The following NRM variants were observed in gnomAD, a reference collection of about 807,000 sequenced individuals.
NRM encodes the protein nurim.
In NRM, 19 loss-of-function variants were observed where a neutral mutation model predicts 23.4. The ratio of observed to expected loss-of-function variants is 0.81; its 90% CI spans 0.57 to 1.19. The LOEUF (loss-of-function observed/expected upper bound fraction) is 1.19. NRM is among the 50% of genes most tolerant of loss of function. The probability of loss-of-function intolerance (pLI) is 0.00; values close to 1 mark genes in which losing one functional copy is unlikely to be tolerated. For missense variants in NRM, 232 were observed against 329.7 expected, an observed-to-expected ratio of 0.70 and a Z score of 2.30; for synonymous variants, 140 against 143.5, an observed-to-expected ratio of 0.98 and a Z score of 0.17.
At position 30,690,526 on chromosome 6, in the gene NRM, C is replaced by T. The variant is rs1771499843; in HGVS notation, c.134-283G>A. On this transcript the variant is annotated intron_variant, in intron 1 of 3. Transcript: ENST00000376421. This position sits in a 1 kb window ranked among gnomAD's most constrained non-coding sequence, Gnocchi z 5.5. ...CCACGCTGGATTGCCCCTCTTACTT[C>T]GGTTCTCCAAATGCTCCTTCTTTTT... 3 of 1,534,116 alleles carry T rather than the reference C, an allele frequency of 2.0e-6. No individual in the cohort carries two copies. Among genetic ancestry groups the T allele is most frequent in the Admixed American group, 4.0e-5 (2 of 50,272 alleles).
rs771586049 is a variant in NRM, at chr6:30,690,737, C to G, written c.133+105G>C. ...CGGCCGCTTTCAAGGTTCGAGTTCC[C>G]TCTCTTGGACTTCCCCTGTCATTTG... On this transcript the variant is annotated intron_variant, in intron 1 of 3. Coordinates refer to ENST00000376421, the MANE Select transcript of NRM (RefSeq NM_001384369.1). The surrounding 1 kb of genome is among the most constrained non-coding windows in gnomAD (Gnocchi z 5.5). 1 of 1,611,390 alleles carries G rather than the reference C, an allele frequency of 6.2e-7. No homozygotes were observed. The highest frequency in any genetic ancestry group is 8.5e-7 in the Non-Finnish European group (1 of 1,179,404).
rs1291129261 is a variant in NRM at position 30,690,849 on chromosome 6, A to T, written c.126T>A (p.Gly42=). 3 of 1,612,788 alleles carry T rather than the reference A, an allele frequency of 1.9e-6. No individual in the cohort carries two copies. Among genetic ancestry groups the T allele is most frequent in the East Asian group, 2.2e-5 (1 of 44,898 alleles). ...TCGATCCCTCCCGCTCACCCGGACC[A>T]CCAGACTCCGGGATCCCTCCAAGAA... ...RPLLGGIPES[G]GPDARQGWLA... The change falls in exon 1 of 4, where the codon GGT becomes GGA. Residue 42 remains glycine (G), a synonymous_variant. Transcript: ENST00000376421. The surrounding 1 kb of genome is among the most constrained non-coding windows in gnomAD (Gnocchi z 5.5).
Position 30,690,233 on chromosome 6 carries a change from C to T in NRM, c.144G>A (p.Gln48=). 6.4e-7 allele frequency: 1 copy of T among 1,571,232 alleles called. No homozygotes were observed. The highest frequency in any genetic ancestry group is 8.6e-7 in the Non-Finnish European group (1 of 1,166,096). Residue 48 remains glutamine, a synonymous_variant, in exon 2 of 4, where the codon CAG becomes CAA. Coordinates refer to ENST00000376421, the MANE Select transcript of NRM (RefSeq NM_001384369.1). This position sits in a 1 kb window ranked among gnomAD's most constrained non-coding sequence, Gnocchi z 5.5. ...GGTCCTGCAGGGCAGCCAGCCATCC[C>T]TGGCGGGCATCTACAGGAAGTTGAG... is the stretch of plus-strand genomic sequence containing the variant. The part of the protein sequence containing the change: ...IPESGGPDAR[Q]GWLAALQDRS...
Position 30,689,016 on chromosome 6 carries a change from C to T in NRM, c.508-74G>A. On this transcript the variant is annotated intron_variant, in intron 3 of 3. Coordinates refer to ENST00000376421, the MANE Select transcript of NRM (RefSeq NM_001384369.1). This position sits in a 1 kb window ranked among gnomAD's most constrained non-coding sequence, Gnocchi z 4.7. ...CTTGGGCACTTCTTTCCTCCTCTTC[C>T]AGGCACCACCCTTCTAGAACTCAGG... The T allele has an allele frequency of 1.4e-6, 2 of 1,466,062 alleles. No homozygotes were observed. Among genetic ancestry groups the T allele is most frequent in the South Asian group, 2.7e-5 (2 of 75,142 alleles). The allele number at this position is 1,466,062 out of a possible 1,614,324, so 90.8% of individuals were successfully genotyped here.
rs916185385 is a variant in NRM, at chr6:30,688,235, G to A, written c.*426C>T. 18 of 195,174 alleles carry A rather than the reference G, an allele frequency of 9.2e-5. No homozygotes were observed. Among genetic ancestry groups the A allele is most frequent in the Non-Finnish European group, 1.7e-4 (16 of 93,262 alleles). The allele number at this position is 195,174 out of a possible 1,614,324, so 12.1% of individuals were successfully genotyped here. On this transcript the variant is annotated 3_prime_UTR_variant, in exon 4 of 4. Coordinates refer to ENST00000376421, the MANE Select transcript of NRM (RefSeq NM_001384369.1). This position sits in a 1 kb window ranked among gnomAD's most constrained non-coding sequence, Gnocchi z 5.9. ...GTGAGGCAAGGTTGGGGCCTGGAGG[G>A]ACAGCTATGACCGTTGAACTTGCAG... is the stretch of plus-strand genomic sequence containing the variant.
In NRM at chr6:30,690,278, C is replaced by A. The variant is rs1771472083; in HGVS notation, c.134-35G>T. 2.0e-6 allele frequency: 3 copies of A among 1,534,818 alleles called. No individual in the cohort carries two copies. The highest frequency in any genetic ancestry group is 2.6e-6 in the Non-Finnish European group (3 of 1,142,540). Reference sequence around the variant, plus strand: ...GTTGAGGGAAAAAGAGACAAAAGATCGAAACAGTGGCAGAATGTTTCCCCC... The same window carrying A: ...GTTGAGGGAAAAAGAGACAAAAGATAGAAACAGTGGCAGAATGTTTCCCCC... On this transcript the variant is annotated intron_variant, in intron 1 of 3. Coordinates refer to ENST00000376421, the MANE Select transcript of NRM (RefSeq NM_001384369.1). The surrounding 1 kb of genome is among the most constrained non-coding windows in gnomAD (Gnocchi z 5.5).
In NRM at chr6:30,689,882, A is replaced by G. The variant is rs1771410739; in HGVS notation, c.330+165T>C. 4 of 633,362 alleles carry G rather than the reference A, an allele frequency of 6.3e-6. No individual in the cohort carries two copies. Among genetic ancestry groups the G allele is most frequent in the Non-Finnish European group, 1.1e-5 (4 of 375,906 alleles). The allele number at this position is 633,362 out of a possible 1,614,324, so 39.2% of individuals were successfully genotyped here. A position where few individuals can be genotyped will look rare whatever the true frequency, so the allele number is the denominator to read the frequency against. ...AGGACAAGTACACCCTTCTTGATAA[A>G]AAGTAGGATATGTGCTGTGGAGGAA... On this transcript the variant is annotated intron_variant, in intron 2 of 3. Coordinates refer to ENST00000376421, the MANE Select transcript of NRM (RefSeq NM_001384369.1). This position sits in a 1 kb window ranked among gnomAD's most constrained non-coding sequence, Gnocchi z 4.7.
Position 30,688,841 on chromosome 6 carries a change from C to A in NRM, c.609G>T (p.Leu203=), listed in dbSNP as rs766459511. The change falls in exon 4 of 4, where the codon CTG becomes CTT. Residue 203 remains leucine (L), a synonymous_variant. Transcript: ENST00000376421. This position sits in a 1 kb window ranked among gnomAD's most constrained non-coding sequence, Gnocchi z 5.9. ...SHLRHPVCVE[L]LTVLWVVPTL... is the part of the protein sequence containing the mutation. ...TAGGCACCACCCACAGCACTGTCAG[C>A]AGCTCCACACACACTGGGTGGCGCA... 1.2e-6 allele frequency: 2 copies of A among 1,613,944 alleles called. No homozygotes were observed. The highest frequency in any genetic ancestry group is 1.3e-5 in the African/African-American group (1 of 74,954).
In NRM at chr6:30,689,151, A is replaced by G; in HGVS notation, c.507+125T>C. On this transcript the variant is annotated intron_variant, in intron 3 of 3. Transcript: ENST00000376421. This position sits in a 1 kb window ranked among gnomAD's most constrained non-coding sequence, Gnocchi z 4.7. ...TGCTGCCCTTACGAGGGAAAGTCAA[A>G]GGGAAGGGCCACGAGGGAGAAGCAG... The G allele has an allele frequency of 8.7e-7, 1 of 1,150,014 alleles. No individual in the cohort carries two copies. The highest frequency in any genetic ancestry group is 1.2e-6 in the Non-Finnish European group (1 of 828,658). 71.2% of individuals were successfully genotyped at this position (1,150,014 alleles called of 1,614,324 possible). A position where few individuals can be genotyped will look rare whatever the true frequency, so the allele number is the denominator to read the frequency against.
chr6:30,690,049 G>T lies in NRM; in HGVS notation c.328C>A (p.Gln110Lys). The change falls in exon 2 of 4, where the codon CAG becomes AAG. Residue 110 changes from glutamine to lysine, a missense_variant and splice_region_variant. Coordinates refer to ENST00000376421, the MANE Select transcript of NRM (RefSeq NM_001384369.1). This position sits in a 1 kb window ranked among gnomAD's most constrained non-coding sequence, Gnocchi z 5.5. The part of the protein sequence containing the change: ...LYVACTALAL[Q>K]LVMRYWEPIP... ...CCTGCAAGGCCAGGGCCTCATACCT[G>T]CAAGGCCAGGGCAGTGCAGGCCACA... The T allele has an allele frequency of 6.2e-7, 1 of 1,602,764 alleles. No individual in the cohort carries two copies. Among genetic ancestry groups the T allele is most frequent in the Non-Finnish European group, 8.5e-7 (1 of 1,176,722 alleles).
In NRM at chr6:30,689,064, C is replaced by G; in HGVS notation, c.508-122G>C. 8.4e-7 allele frequency: 1 copy of G among 1,188,678 alleles called. No homozygotes were observed. The highest frequency in any genetic ancestry group is 1.6e-5 in the South Asian group (1 of 63,282). The allele number at this position is 1,188,678 out of a possible 1,614,324, so 73.6% of individuals were successfully genotyped here. A position where few individuals can be genotyped will look rare whatever the true frequency, so the allele number is the denominator to read the frequency against. On this transcript the variant is annotated intron_variant, in intron 3 of 3. Transcript: ENST00000376421. The surrounding 1 kb of genome is among the most constrained non-coding windows in gnomAD (Gnocchi z 4.7). ...AGGCCCAGGAACCCCCCTTCTGAGA[C>G]TTGGATCCCTGATCCTGACTTCTGA...
Position 30,688,601 on chromosome 6 carries a change from G to A in NRM, c.*60C>T. The A allele has an allele frequency of 1.9e-6, 3 of 1,568,478 alleles. No homozygotes were observed. Among genetic ancestry groups the A allele is most frequent in the Non-Finnish European group, 2.6e-6 (3 of 1,153,908 alleles). ...GGCATGAAGCAGCCAGGGCCTGGAT[G>A]TTAAGGATTTAGAATTCAGTGGGAG... On this transcript the variant is annotated 3_prime_UTR_variant, in exon 4 of 4. Coordinates refer to ENST00000376421, the MANE Select transcript of NRM (RefSeq NM_001384369.1). This position sits in a 1 kb window ranked among gnomAD's most constrained non-coding sequence, Gnocchi z 5.9.
Position 30,689,371 on chromosome 6 carries a change from G to C in NRM, c.412C>G (p.Pro138Ala), listed in dbSNP as rs1489110903. The change falls in exon 3 of 4, where the codon CCG becomes GCG. Residue 138 changes from proline to alanine, a missense_variant. Pro to Ala is a conservative substitution (Grantham distance 27, BLOSUM62 -1). Transcript: ENST00000376421. The surrounding 1 kb of genome is among the most constrained non-coding windows in gnomAD (Gnocchi z 4.7). ...ARAEPWATWV[P>A]LLCFVLHVIS... Reference sequence around the variant, plus strand: ...ACATGGAGCACAAAGCAGAGGAGCGGCACCCAGGTGGCCCATGGCTCAGCC... The same window carrying C: ...ACATGGAGCACAAAGCAGAGGAGCGCCACCCAGGTGGCCCATGGCTCAGCC... The C allele has an allele frequency of 6.4e-7, 1 of 1,561,180 alleles. No individual in the cohort carries two copies. The highest frequency in any genetic ancestry group is 8.7e-7 in the Non-Finnish European group (1 of 1,152,456).
At position 30,689,308 on chromosome 6, in the gene NRM, A is replaced by G. The variant is rs745620860; in HGVS notation, c.475T>C (p.Phe159Leu). 70 of 1,554,770 alleles carry G rather than the reference A, an allele frequency of 4.5e-5. No homozygotes were observed. The highest frequency in any genetic ancestry group is 1.7e-4 in the Middle Eastern group (1 of 6,016). The change falls in exon 3 of 4, where the codon TTT becomes CTT. Residue 159 changes from phenylalanine to leucine, a missense_variant. Physicochemically the swap from Phe to Leu is conservative, Grantham distance 22. Transcript: ENST00000376421. The surrounding 1 kb of genome is among the most constrained non-coding windows in gnomAD (Gnocchi z 4.7). ...AGGCCCATGAGCTCAGCATAGTCAA[A>G]GACGAGAAGGATGCTAAAGATGAGG... ...WLLIFSILLVFDYAELMGLKQ... is the reference protein window; with the variant it reads ...WLLIFSILLVLDYAELMGLKQ...
upstream of NRM, chr6:30,691,071 A>G: frequency 2.1e-6 from 3 of 1,399,602 alleles, no homozygotes; most frequent in Non-Finnish European, 2.9e-6. Flanking sequence ...CCAGCCCAGG[A>G]GGGCGGGGCT....
rs1485409618 is a variant in NRM at position 30,690,059 on chromosome 6, G to A, written c.318C>T (p.Ala106=). The change falls in exon 2 of 4, where the codon GCC becomes GCT. Residue 106 remains alanine (A), a synonymous_variant. Transcript: ENST00000376421. This position sits in a 1 kb window ranked among gnomAD's most constrained non-coding sequence, Gnocchi z 5.5. ...LQRSLYVACT[A]LALQLVMRYW... ...CAGGGCCTCATACCTGCAAGGCCAGGGCAGTGCAGGCCACATACAGTGACC... is the reference window on the plus strand; with the variant it reads ...CAGGGCCTCATACCTGCAAGGCCAGAGCAGTGCAGGCCACATACAGTGACC... 6.2e-7 allele frequency: 1 copy of A among 1,609,554 alleles called. No homozygotes were observed. The highest frequency in any genetic ancestry group is 8.5e-7 in the Non-Finnish European group (1 of 1,178,840).
In NRM at chr6:30,688,436, C is replaced by T; in HGVS notation, c.*225G>A. 1 of 603,550 alleles carries T rather than the reference C, an allele frequency of 1.7e-6. No individual in the cohort carries two copies. Among genetic ancestry groups the T allele is most frequent in the Non-Finnish European group, 2.9e-6 (1 of 341,390 alleles). 37.4% of individuals were successfully genotyped at this position (603,550 alleles called of 1,614,324 possible). A position where few individuals can be genotyped will look rare whatever the true frequency, so the allele number is the denominator to read the frequency against. On this transcript the variant is annotated 3_prime_UTR_variant, in exon 4 of 4. Coordinates refer to ENST00000376421, the MANE Select transcript of NRM (RefSeq NM_001384369.1). This position sits in a 1 kb window ranked among gnomAD's most constrained non-coding sequence, Gnocchi z 5.9. ...TGAAGGGACAGATGACTTCCATACC[C>T]CACTCTTCCTTGCTGGTGAGAAGTG... is the stretch of plus-strand genomic sequence containing the variant.
In NRM at chr6:30,689,474, G is replaced by T; in HGVS notation, c.331-22C>A. On this transcript the variant is annotated intron_variant, in intron 2 of 3. Coordinates refer to ENST00000376421, the MANE Select transcript of NRM (RefSeq NM_001384369.1). This position sits in a 1 kb window ranked among gnomAD's most constrained non-coding sequence, Gnocchi z 4.7. ...CCAGCTGTGGAAGGATAAGGGGCTG[G>T]GTATCCCAGTGGCCTAGTCTGCCCG... is the stretch of plus-strand genomic sequence containing the variant. 2 of 1,550,256 alleles carry T rather than the reference G, an allele frequency of 1.3e-6. No individual in the cohort carries two copies. Among genetic ancestry groups the T allele is most frequent in the Non-Finnish European group, 1.7e-6 (2 of 1,147,514 alleles).
rs1771394941 is a variant in NRM, at chr6:30,689,740, C to T, written c.331-288G>A. 6.6e-6 allele frequency among the ~76,000 whole-genome samples: 1 copy of T among 152,072 alleles called. No homozygotes were observed. Among genetic ancestry groups the T allele is most frequent in the African/African-American group, 2.4e-5 (1 of 41,382 alleles). On this transcript the variant is annotated intron_variant, in intron 2 of 3. Coordinates refer to ENST00000376421, the MANE Select transcript of NRM (RefSeq NM_001384369.1). The surrounding 1 kb of genome is among the most constrained non-coding windows in gnomAD (Gnocchi z 4.7). ...CCACCCAGTGAAAAGACAGACAAGG[C>T]CTTCTCTTCAGACCTAGGGAAGTGG... is the stretch of plus-strand genomic sequence containing the variant.
Sources: allele counts gnomAD v4.1 joint callset (sites outside exome capture counted in the v4.1 genomes callset), GRCh38; gene constraint gnomAD v4.1.1; non-coding constraint Gnocchi (gnomAD v3.1); transcripts MANE v1.5; gene names NCBI Gene and HGNC (gene_info 2026-07-23, HGNC 2026-07-21).